Variants in LGR5 observed in about 807,000 individuals in gnomAD.
LGR5 encodes the protein leucine rich repeat containing G protein-coupled receptor 5.
In LGR5, 54 loss-of-function variants were observed where a neutral mutation model predicts 76.7. The observed-to-expected ratio is 0.70, with a 90% CI of 0.57 to 0.88. LGR5 has a LOEUF of 0.88. Among genes scored for constraint, LGR5 ranks in the 40% least tolerant of loss-of-function variants. The pLI is 0.00. For missense variants in LGR5, 1,078 were observed against 1,073.3 expected (o/e 1.00, Z -0.06); for synonymous variants, 406 against 421.9 (o/e 0.96, Z 0.46).
intron 8 of LGR5, among the ~76,000 whole-genome samples, chr12:71,565,372 A>G (rs1007281765): frequency 6.0e-5 from 9 of 149,856 alleles, no homozygotes; most frequent in Non-Finnish European, 1.0e-4. Context: ...AGTGAAGAAA[A>G]TAGTATCTAC....
intron 3 of LGR5, among the ~76,000 whole-genome samples, chr12:71,525,719 AGT>A (rs1284269101): frequency 2.6e-5 from 4 of 151,750 alleles, no homozygotes; most frequent in Non-Finnish European, 5.9e-5. Context: ...TATATAAGCC[AGT>A]GTGTGTGTAT....
At chr12:71,491,269 G>C (rs992336925) in intron 1 of LGR5, among the ~76,000 whole-genome samples, 4 of 152,126 alleles carry the variant, frequency 2.6e-5, no homozygotes, top group Non-Finnish European at 4.4e-5. Flanking sequence ...CAGATTTTTT[G>C]TAAGTTTATA....
intron 1 of LGR5, among the ~76,000 whole-genome samples, chr12:71,467,793 T>A (rs1474637443): frequency 2.0e-5 from 3 of 152,212 alleles, no homozygotes; most frequent in Admixed American, 2.0e-4. Flanking sequence ...TCCATAGGAA[T>A]GCTGTAAGTT....
At chr12:71,541,842 A>G (rs1470390652) in intron 4 of LGR5, among the ~76,000 whole-genome samples, 3 of 152,156 alleles carry the variant, frequency 2.0e-5, no homozygotes, top group African/African-American at 7.2e-5. Flanking sequence ...TAAGAACCCT[A>G]GTTTGCCACC....
At position 71,577,959 on chromosome 12, in the gene LGR5, C is replaced by G; in HGVS notation, c.1243C>G (p.Pro415Ala). 1.2e-6 allele frequency: 2 copies of G among 1,613,506 alleles called. No individual in the cohort carries two copies. Among genetic ancestry groups the G allele is most frequent in the Non-Finnish European group, 1.7e-6 (2 of 1,179,540 alleles). Reference sequence around the variant, plus strand: ...TTGGAACAAAATTGCTATTATTCACCCCAATGCATTTTCCACTTTGCCATC... The same window carrying G: ...TTGGAACAAAATTGCTATTATTCACGCCAATGCATTTTCCACTTTGCCATC... ...LAWNKIAIIH[P>A]NAFSTLPSLI... is the part of the protein sequence containing the mutation. Residue 415 changes from proline to alanine, a missense_variant, in exon 14 of 18, where the codon CCC becomes GCC. Physicochemically the swap from Pro to Ala is conservative, Grantham distance 27. Transcript: ENST00000266674.
intron 17 of LGR5, 75 bp downstream of exon 17, chr12:71,582,614 A>G (rs970830348): frequency 3.4e-6 from 4 of 1,169,184 alleles, no homozygotes; most frequent in African/African-American, 3.0e-5. Context: ...CAATACAGCT[A>G]TACTTTAAAA....
chr12:71,564,983 G>GTATA (rs141550469), intron 8 of LGR5, among the ~76,000 whole-genome samples: 13 of 150,066 alleles, frequency 8.7e-5, no homozygotes, highest in African/African-American at 3.2e-4. Context: ...ATATACGTGT[G>GTATA]TATATATATA....
Position 71,574,295 on chromosome 12 carries a change from C to T in LGR5, c.1208+1374C>T, listed in dbSNP as rs185605789. 6.0e-3 allele frequency among the ~76,000 whole-genome samples: 411 copies of T among 68,778 alleles called. 1 individual carries two copies. The highest frequency in any genetic ancestry group is 0.034 in the South Asian group (41 of 1,190). 45.1% of individuals were successfully genotyped at this position (68,778 alleles called of 152,430 possible). A position where few individuals can be genotyped will look rare whatever the true frequency, so the allele number is the denominator to read the frequency against. On this transcript the variant is annotated intron_variant, in intron 13 of 17. Transcript: ENST00000266674. ...CCAGCCTGAGTGACAGAGCAAGACT[C>T]TGTCTCAAAAAAAAAAAAAAAAAAA...
rs11178847 is a variant in LGR5, at chr12:71,554,908, A to G, written c.644+1620A>G. ...GTATGACCCCCACATGTATAATATA[A>G]TAACCAATCAATGAGGAAGGCTTCT... On this transcript the variant is annotated intron_variant, in intron 5 of 17. Coordinates refer to ENST00000266674, the MANE Select transcript of LGR5 (RefSeq NM_003667.4). 2.6e-5 allele frequency among the ~76,000 whole-genome samples: 4 copies of G among 152,310 alleles called. No individual in the cohort carries two copies. In the East Asian group the frequency reaches 7.7e-4, roughly 29 times the overall value.
intron 4 of LGR5, among the ~76,000 whole-genome samples, chr12:71,552,049 A>C (rs1268737769): frequency 6.6e-6 from 1 of 151,854 alleles, no homozygotes; most frequent in East Asian, 1.9e-4. Flanking sequence ...ACACGTGGAC[A>C]CAGAGAGGGG....
At chr12:71,441,314 C>T (rs991622708) in intron 1 of LGR5, among the ~76,000 whole-genome samples, 7 of 152,196 alleles carry the variant, frequency 4.6e-5, no homozygotes, top group Admixed American at 1.3e-4. Context: ...GCATCTGGGG[C>T]TTCATTCCTT....
chr12:71,499,589 C>T (rs972302551), intron 1 of LGR5, among the ~76,000 whole-genome samples: 1 of 152,112 alleles, frequency 6.6e-6, no homozygotes, highest in African/African-American at 2.4e-5. Flanking sequence ...CAGGAGCCAA[C>T]GGAAGTTCTC....
intron 1 of LGR5, among the ~76,000 whole-genome samples, chr12:71,493,230 A>C (rs1874156825): frequency 6.6e-6 from 1 of 151,192 alleles, no homozygotes; most frequent in Admixed American, 6.6e-5. Flanking sequence ...CTTTTTTACC[A>C]TCCCTAGAAG....
intron 1 of LGR5, among the ~76,000 whole-genome samples, chr12:71,455,054 A>T (rs1872412544): frequency 6.6e-6 from 1 of 152,128 alleles, no homozygotes. Context: ...AAACTTGCCA[A>T]CACATTAGTT....
At chr12:71,570,639 G>C (rs1230258171) in intron 11 of LGR5, among the ~76,000 whole-genome samples, 2 of 152,038 alleles carry the variant, frequency 1.3e-5, no homozygotes, top group Non-Finnish European at 2.9e-5. Flanking sequence ...TACAAATTTG[G>C]ATTTACAAGC....
chr12:71,547,558 G>A (rs1258674613), intron 4 of LGR5, among the ~76,000 whole-genome samples: 5 of 152,160 alleles, frequency 3.3e-5, no homozygotes, highest in African/African-American at 4.8e-5. Flanking sequence ...AAACACATTC[G>A]TATTTTCTCA....
chr12:71,465,466 T>C (rs1872827524), intron 1 of LGR5, among the ~76,000 whole-genome samples: 2 of 152,312 alleles, frequency 1.3e-5, no homozygotes, highest in South Asian at 4.1e-4. Flanking sequence ...TTATCATATG[T>C]GCGTGCATTT....
At chr12:71,466,299 AG>A (rs1372351700) in intron 1 of LGR5, among the ~76,000 whole-genome samples, 1 of 152,190 alleles carries the variant, frequency 6.6e-6, no homozygotes, top group Non-Finnish European at 1.5e-5. Flanking sequence ...CAACTCTGAA[AG>A]GGCTTAACAT....
At chr12:71,530,201 G>A (rs750725977) in intron 3 of LGR5, among the ~76,000 whole-genome samples, 1 of 152,074 alleles carries the variant, frequency 6.6e-6, no homozygotes, top group Non-Finnish European at 1.5e-5. Flanking sequence ...TAATAGAAGT[G>A]GCATTACAAA....
Sources: allele counts gnomAD v4.1 joint callset (sites outside exome capture counted in the v4.1 genomes callset), GRCh38; gene constraint gnomAD v4.1.1; transcripts MANE v1.5; gene names NCBI Gene and HGNC (gene_info 2026-07-23, HGNC 2026-07-21).